The following ANKRD12 variants were observed in gnomAD, a reference collection of about 807,000 sequenced individuals.
The protein encoded by ANKRD12 is ankyrin repeat domain-containing protein 12.
In ANKRD12, 85 loss-of-function variants were observed where a neutral mutation model predicts 183.4. The ratio of observed to expected loss-of-function variants is 0.46; its 90% CI spans 0.39 to 0.56. ANKRD12 has a LOEUF of 0.56. ANKRD12 is among the 20% of genes least tolerant of loss of function. The probability of loss-of-function intolerance (pLI) is 0.00; values close to 1 mark genes in which losing one functional copy is unlikely to be tolerated. For synonymous variants in ANKRD12, 914 were observed against 800.2 expected, an observed-to-expected ratio of 1.14 and a Z score of -2.40; for missense variants, 2,405 against 2,357.1, an observed-to-expected ratio of 1.02 and a Z score of -0.42.
intron 8 of ANKRD12, among the ~76,000 whole-genome samples, chr18:9,222,211 G>T (rs773778695): frequency 6.6e-6 from 1 of 152,056 alleles, no homozygotes; most frequent in Non-Finnish European, 1.5e-5. Flanking sequence ...TAATGCCATT[G>T]CCCCATTTCT....
intron 1 of ANKRD12, among the ~76,000 whole-genome samples, chr18:9,178,734 A>G (rs796589697): frequency 3.9e-5 from 6 of 152,328 alleles, no homozygotes; most frequent in African/African-American, 1.2e-4. Flanking sequence ...TTATAGAGCA[A>G]TTTGGAGAGA....
intron 9 of ANKRD12, chr18:9,259,997 CTAA>C (rs975548867): frequency 1.3e-5 from 2 of 152,094 alleles, no homozygotes; most frequent in South Asian, 2.1e-4. Flanking sequence ...TTTATTCAAG[CTAA>C]TAATAAGAAC....
chr18:9,244,796 T>A (rs1241011942), intron 8 of ANKRD12, among the ~76,000 whole-genome samples: 1 of 152,184 alleles, frequency 6.6e-6, no homozygotes, highest in Non-Finnish European at 1.5e-5. Flanking sequence ...GATCAGGTCA[T>A]TTAAAAGGGC....
At chr18:9,148,814 A>G (rs1043437801) in intron 1 of ANKRD12, among the ~76,000 whole-genome samples, 1 of 152,190 alleles carries the variant, frequency 6.6e-6, no homozygotes, top group Admixed American at 6.5e-5. Flanking sequence ...TACTCGAATT[A>G]TGTCACTACT....
chr18:9,160,491 C>G (rs555325370), intron 1 of ANKRD12, among the ~76,000 whole-genome samples: 90 of 152,266 alleles, frequency 5.9e-4, no homozygotes, highest in African/African-American at 1.7e-3. Flanking sequence ...CTGCCTGATT[C>G]CAGAACACTT....
At chr18:9,267,069 A>G (rs1224205974) in intron 10 of ANKRD12, among the ~76,000 whole-genome samples, 3 of 152,198 alleles carry the variant, frequency 2.0e-5, no homozygotes, top group African/African-American at 7.2e-5. Flanking sequence ...AGAGCTAACT[A>G]TCCTAAATAT....
At chr18:9,181,790 T>C (rs1265465033) in intron 1 of ANKRD12, among the ~76,000 whole-genome samples, 1 of 152,172 alleles carries the variant, frequency 6.6e-6, no homozygotes, top group Non-Finnish European at 1.5e-5. Flanking sequence ...CTATTATGCT[T>C]GTAGAATAGG....
intron 1 of ANKRD12, among the ~76,000 whole-genome samples, chr18:9,179,864 A>G (rs1468284156): frequency 6.6e-6 from 1 of 152,178 alleles, no homozygotes; most frequent in Non-Finnish European, 1.5e-5. Context: ...TATGGTTTTA[A>G]TTAAATTTGT....
chr18:9,175,059 ACT>A (rs1283946846), intron 1 of ANKRD12, among the ~76,000 whole-genome samples: 9 of 151,170 alleles, frequency 6.0e-5, no homozygotes, highest in Non-Finnish European at 1.3e-4. Flanking sequence ...GATTCAAGCA[ACT>A]CTCCTGCCTA....
chr18:9,230,256 T>C (rs992746837), intron 8 of ANKRD12, among the ~76,000 whole-genome samples: 1 of 152,218 alleles, frequency 6.6e-6, no homozygotes, highest in Non-Finnish European at 1.5e-5. Flanking sequence ...TCTAGGTTTT[T>C]CAGTTTGTTG....
rs931275968 is a variant in ANKRD12, at chr18:9,283,113, T to C, written c.*1987T>C. 5.9e-5 allele frequency: 9 copies of C among 152,448 alleles called. No individual in the cohort carries two copies. The highest frequency in any genetic ancestry group is 2.2e-4 in the African/African-American group (9 of 41,446). 9.4% of individuals were successfully genotyped at this position (152,448 alleles called of 1,614,324 possible). On this transcript the variant is annotated 3_prime_UTR_variant, in exon 13 of 13. Coordinates refer to ENST00000262126, the MANE Select transcript of ANKRD12 (RefSeq NM_015208.5). ...TTATACTTTTGCCTAAAAAGGAAAT[T>C]GGATGGGATACTGTGGCAAATCATA... is the stretch of plus-strand genomic sequence containing the variant.
intron 8 of ANKRD12, among the ~76,000 whole-genome samples, chr18:9,229,372 A>G (rs931828241): frequency 2.0e-5 from 3 of 152,134 alleles, no homozygotes; most frequent in African/African-American, 7.2e-5. Context: ...GAGTCTGTAG[A>G]CTGCTTTGGG....
At chr18:9,268,579 T>C (rs1310991736) in intron 10 of ANKRD12, among the ~76,000 whole-genome samples, 1 of 152,182 alleles carries the variant, frequency 6.6e-6, no homozygotes, top group Non-Finnish European at 1.5e-5. Context: ...CAACCCTTCA[T>C]GCTAAAAACT....
At chr18:9,277,680 ACAAAT>A (rs1477587887) in intron 11 of ANKRD12, among the ~76,000 whole-genome samples, 2 of 151,920 alleles carry the variant, frequency 1.3e-5, no homozygotes, top group East Asian at 3.9e-4. Flanking sequence ...AAAAATAAAA[ACAAAT>A]TCATAGCAGA....
At chr18:9,250,500 CT>C (rs1293189270) in intron 8 of ANKRD12, among the ~76,000 whole-genome samples, 1 of 152,060 alleles carries the variant, frequency 6.6e-6, no homozygotes, top group African/African-American at 2.4e-5. Context: ...GGGAGGATTA[CT>C]TGAGGCCAGG....
intron 5 of ANKRD12, among the ~76,000 whole-genome samples, chr18:9,209,647 A>G (rs1261756815): frequency 6.6e-6 from 1 of 152,214 alleles, no homozygotes; most frequent in Non-Finnish European, 1.5e-5. Flanking sequence ...GCTTTTAAAA[A>G]TAGAGTACGT....
rs554775669 is a variant in ANKRD12, at chr18:9,282,654, A to G, written c.*1528A>G. On this transcript the variant is annotated 3_prime_UTR_variant, in exon 13 of 13. Transcript: ENST00000262126. ...CCACAGTACTTTCTTGAATTATAAT[A>G]CTGAATGTTTTCTGTTCCGATAGAG... is the stretch of plus-strand genomic sequence containing the variant. 6.5e-6 allele frequency: 1 copy of G among 152,732 alleles called. No individual in the cohort carries two copies. Among genetic ancestry groups the G allele is most frequent in the South Asian group, 2.1e-4 (1 of 4,828 alleles). The allele number at this position is 152,732 out of a possible 1,614,324, so 9.5% of individuals were successfully genotyped here. A position where few individuals can be genotyped will look rare whatever the true frequency, so the allele number is the denominator to read the frequency against.
chr18:9,188,270 A>G (rs1366987295), intron 2 of ANKRD12, among the ~76,000 whole-genome samples: 3 of 152,226 alleles, frequency 2.0e-5, no homozygotes, highest in African/African-American at 7.2e-5. Flanking sequence ...AGGAACCCCA[A>G]ATCTTTTATG....
intron 10 of ANKRD12, among the ~76,000 whole-genome samples, chr18:9,270,972 C>T (rs1292837608): frequency 6.6e-6 from 1 of 152,102 alleles, no homozygotes; most frequent in Non-Finnish European, 1.5e-5. Context: ...TGATATTGGC[C>T]AGCTATGTCA....
Sources: gnomAD v4.1 joint callset for allele counts (sites outside exome capture counted in the v4.1 genomes callset) on GRCh38, gnomAD v4.1.1 for gene constraint, MANE v1.5 for transcripts, NCBI Gene and HGNC (gene_info 2026-07-23, HGNC 2026-07-21) for gene names.